The following YWHAZ variants were observed in gnomAD, a reference collection of about 807,000 sequenced individuals.
The protein encoded by YWHAZ is 14-3-3 protein zeta/delta.
For synonymous variants in YWHAZ, 87 were observed against 103.6 expected (o/e 0.84, Z 0.97); for missense variants, 79 against 284.8 (o/e 0.28, Z 5.20).
intron 2 of YWHAZ, among the ~76,000 whole-genome samples, chr8:100,933,252 G>A (rs550108705): frequency 6.6e-6 from 1 of 151,930 alleles, no homozygotes; most frequent in Admixed American, 6.6e-5. Context: ...CCAGCTACTC[G>A]GGAGGCTGAG....
intron 2 of YWHAZ, among the ~76,000 whole-genome samples, chr8:100,940,079 A>AG (rs61094939): frequency 1.3e-5 from 2 of 151,588 alleles, no homozygotes; most frequent in African/African-American, 4.8e-5. Context: ...AAAAAAAAAA[A>AG]GTGAAACACT....
At chr8:100,952,166 G>T, upstream of YWHAZ, 11 of 985,144 alleles carry the variant, frequency 1.1e-5, no homozygotes, top group Non-Finnish European at 1.3e-5. Context: ...AGCGATCGGG[G>T]CCCCGCGTAA....
rs1810470382 is a variant in YWHAZ at position 100,948,477 on chromosome 8, A to T, written c.294+119T>A. On this transcript the variant is annotated intron_variant, in intron 2 of 5. Coordinates refer to ENST00000395958, the MANE Select transcript of YWHAZ (RefSeq NM_145690.3). The surrounding 1 kb of genome is among the most constrained non-coding windows in gnomAD (Gnocchi z 4.2). ...AGTCATGACACCATGAAGACTTTTA[A>T]ATTTGGAACACACAATGTTTAGAAG... 1.7e-6 allele frequency: 2 copies of T among 1,173,176 alleles called. No homozygotes were observed. Among genetic ancestry groups the T allele is most frequent in the South Asian group, 3.1e-5 (2 of 64,492 alleles). The allele number at this position is 1,173,176 out of a possible 1,614,324, so 72.7% of individuals were successfully genotyped here.
upstream of YWHAZ, chr8:100,952,139 C>T (rs1463335953): frequency 5.1e-6 from 5 of 985,680 alleles, no homozygotes; most frequent in Non-Finnish European, 4.8e-6. Flanking sequence ...CTATGGCAAC[C>T]GTTGATTGGT....
intron 2 of YWHAZ, among the ~76,000 whole-genome samples, chr8:100,940,919 C>G (rs760744619): frequency 7.9e-5 from 12 of 152,168 alleles, no homozygotes; most frequent in Non-Finnish European, 1.2e-4. Flanking sequence ...AGAAATGTTA[C>G]ACAGGGATAT....
upstream of YWHAZ, chr8:100,952,943 C>CT: frequency 1.0e-6 from 1 of 1,000,496 alleles, no homozygotes; most frequent in South Asian, 4.7e-5. Context: ...GATGGGGAGG[C>CT]GTTCCAATCG....
rs55947914 is a variant in YWHAZ, at chr8:100,926,198, A to AT, written c.295-1160dup. On this transcript the variant is annotated intron_variant, in intron 2 of 5. Coordinates refer to ENST00000395958, the MANE Select transcript of YWHAZ (RefSeq NM_145690.3). ...AGTTTTAACCCAACTTCTTCCCCCAATTTTTTTTTTTTTTTTTTTTACAAC... is the reference window on the plus strand; with the variant it reads ...AGTTTTAACCCAACTTCTTCCCCCAATTTTTTTTTTTTTTTTTTTTTACAAC... Among the ~76,000 whole-genome samples, 445 of 142,018 alleles carry AT rather than the reference A, an allele frequency of 3.1e-3. 2 individuals carry two copies. The highest frequency in any genetic ancestry group is 5.6e-3 in the African/African-American group (216 of 38,240). The allele number at this position is 142,018 out of a possible 152,430, so 93.2% of individuals were successfully genotyped here. A position where few individuals can be genotyped will look rare whatever the true frequency, so the allele number is the denominator to read the frequency against.
chr8:100,949,415 G>C (rs975655833), intron 1 of YWHAZ, among the ~76,000 whole-genome samples: 9 of 151,746 alleles, frequency 5.9e-5, no homozygotes, highest in African/African-American at 1.5e-4. Context: ...TTACATTTTA[G>C]CTTTAGTGTT....
chr8:100,924,397 A>C lies in YWHAZ; in HGVS notation c.419-99T>G. ...TATCTCACATATCCTTTGAAATACT[A>C]ACCTGTAACAGCTTAATATTTGTTA... On this transcript the variant is annotated intron_variant, in intron 3 of 5. Transcript: ENST00000395958. This position sits in a 1 kb window ranked among gnomAD's most constrained non-coding sequence, Gnocchi z 5.7. 8.2e-7 allele frequency: 1 copy of C among 1,220,206 alleles called. No homozygotes were observed. The highest frequency in any genetic ancestry group is 1.1e-6 in the Non-Finnish European group (1 of 889,574). The allele number at this position is 1,220,206 out of a possible 1,614,324, so 75.6% of individuals were successfully genotyped here. A position where few individuals can be genotyped will look rare whatever the true frequency, so the allele number is the denominator to read the frequency against.
chr8:100,947,205 G>T (rs1810357579), intron 2 of YWHAZ, among the ~76,000 whole-genome samples: 1 of 147,444 alleles, frequency 6.8e-6, no homozygotes. Flanking sequence ...AGTGAGCCGA[G>T]ATCGCGCCAC....
At chr8:100,936,235 A>G (rs1335275816) in intron 2 of YWHAZ, among the ~76,000 whole-genome samples, 5 of 152,252 alleles carry the variant, frequency 3.3e-5, no homozygotes, top group African/African-American at 1.2e-4. Context: ...TATTCAGTAT[A>G]AACAGAGGCA....
At chr8:100,941,302 C>A (rs557825105) in intron 2 of YWHAZ, among the ~76,000 whole-genome samples, 1 of 152,124 alleles carries the variant, frequency 6.6e-6, no homozygotes, top group East Asian at 1.9e-4. Context: ...GTTTAAGGAG[C>A]AAAAAAATTA....
chr8:100,932,439 G>GA (rs1176597621), intron 2 of YWHAZ, among the ~76,000 whole-genome samples: 2 of 151,926 alleles, frequency 1.3e-5, no homozygotes, highest in Admixed American at 6.5e-5. Flanking sequence ...CATTTTCTAG[G>GA]AAAAAACCCT....
intron 2 of YWHAZ, among the ~76,000 whole-genome samples, chr8:100,931,525 G>A (rs1586109436): frequency 2.0e-5 from 3 of 152,302 alleles, no homozygotes; most frequent in Non-Finnish European, 4.4e-5. Flanking sequence ...AAAGCTTGAT[G>A]TAATGCAAAT....
chr8:100,934,284 C>T (rs1261946109), intron 2 of YWHAZ, among the ~76,000 whole-genome samples: 2 of 150,534 alleles, frequency 1.3e-5, no homozygotes, highest in African/African-American at 4.9e-5. Context: ...AGTGAGTGCA[C>T]CACTGCACTC....
At chr8:100,938,331 C>G (rs1814344872) in intron 2 of YWHAZ, among the ~76,000 whole-genome samples, 1 of 152,032 alleles carries the variant, frequency 6.6e-6, no homozygotes, top group Admixed American at 6.6e-5. Flanking sequence ...ATAGCTGAAC[C>G]CCTGAGCTGC....
Position 100,933,084 on chromosome 8 carries a change from G to A in YWHAZ, c.295-8045C>T, listed in dbSNP as rs77227974. 1.4e-3 allele frequency among the ~76,000 whole-genome samples: 207 copies of A among 152,230 alleles called. 1 individual carries two copies. The highest frequency in any genetic ancestry group is 4.8e-3 in the African/African-American group (198 of 41,538). ...CATGAAAATAGTTGTGACCTGGCTC[G>A]GCGCAGTGGCTCACACCTGTAACTC... On this transcript the variant is annotated intron_variant, in intron 2 of 5. Coordinates refer to ENST00000395958, the MANE Select transcript of YWHAZ (RefSeq NM_145690.3).
At chr8:100,951,286 C>G (rs1810750145) in intron 1 of YWHAZ, 2 of 984,718 alleles carry the variant, frequency 2.0e-6, no homozygotes, top group Non-Finnish European at 1.2e-6. Flanking sequence ...CTCGGCCAGG[C>G]CTTTCCCTCG....
In YWHAZ at chr8:100,924,676, G is replaced by T. The variant is rs747008778; in HGVS notation, c.418+240C>A. ...GTAGAGAGAGATGTTGCTCAGGCTG[G>T]TCACTTTTCTTAAAATCTTGAAAAA... On this transcript the variant is annotated intron_variant, in intron 3 of 5. Coordinates refer to ENST00000395958, the MANE Select transcript of YWHAZ (RefSeq NM_145690.3). The surrounding 1 kb of genome is among the most constrained non-coding windows in gnomAD (Gnocchi z 5.7). 1.3e-5 allele frequency among the ~76,000 whole-genome samples: 2 copies of T among 152,040 alleles called. No individual in the cohort carries two copies. The highest frequency in any genetic ancestry group is 4.8e-5 in the African/African-American group (2 of 41,372).
Sources: gnomAD v4.1 joint callset for allele counts (sites outside exome capture counted in the v4.1 genomes callset) on GRCh38, gnomAD v4.1.1 for gene constraint, Gnocchi (gnomAD v3.1) non-coding constraint, MANE v1.5 for transcripts, NCBI Gene and HGNC (gene_info 2026-07-23, HGNC 2026-07-21) for gene names.